DLC1: variants seen among roughly 807,000 people sequenced by gnomAD.
The protein encoded by DLC1 is DLC1 Rho GTPase activating protein, also known as rho GTPase-activating protein 7.
A neutral mutation model predicts 140.3 loss-of-function variants in DLC1; 54 were observed. That is an observed-to-expected ratio of 0.38 (90% CI 0.31 to 0.48). DLC1 has a LOEUF of 0.48. Ranked by LOEUF, DLC1 falls within the 20% of genes least tolerant of loss-of-function variation. The probability of loss-of-function intolerance (pLI) is 0.96; values close to 1 mark genes in which losing one functional copy is unlikely to be tolerated. For missense variants in DLC1, 2,536 were observed against 1,907.0 expected (o/e 1.33, Z -6.14); for synonymous variants, 986 against 728.1 (o/e 1.35, Z -5.70).
chr8:13,471,768 A>G (rs1800220659), intron 2 of DLC1, among the ~76,000 whole-genome samples: 2 of 152,136 alleles, frequency 1.3e-5, no homozygotes, highest in African/African-American at 4.8e-5. Context: ...GAAAAAAAGA[A>G]AAGCAGCCTT....
At chr8:13,169,131 G>T (rs1344509178) in intron 5 of DLC1, among the ~76,000 whole-genome samples, 1 of 152,162 alleles carries the variant, frequency 6.6e-6, no homozygotes. Flanking sequence ...AAATTTGGGG[G>T]CTTTACTACT....
intron 5 of DLC1, among the ~76,000 whole-genome samples, chr8:13,242,659 C>G (rs1486816776): frequency 6.6e-6 from 1 of 152,100 alleles, no homozygotes; most frequent in African/African-American, 2.4e-5. Flanking sequence ...TGTGAAAGTG[C>G]TGCGATTACA....
At chr8:13,577,625 C>A (rs1329936569) in intron 1 of DLC1, among the ~76,000 whole-genome samples, 1 of 152,126 alleles carries the variant, frequency 6.6e-6, no homozygotes, top group African/African-American at 2.4e-5. Context: ...TAGGGGAAAA[C>A]AAATACTTTT....
At chr8:13,585,135 G>A (rs1310761773) in intron 1 of DLC1, among the ~76,000 whole-genome samples, 1 of 152,166 alleles carries the variant, frequency 6.6e-6, no homozygotes, top group Non-Finnish European at 1.5e-5. Flanking sequence ...ACAAATATGT[G>A]TAATACAATG....
chr8:13,419,573 A>T (rs994812054), intron 2 of DLC1, among the ~76,000 whole-genome samples: 3 of 152,162 alleles, frequency 2.0e-5, no homozygotes, highest in Non-Finnish European at 4.4e-5. Flanking sequence ...CCATTTGATC[A>T]TGGTGGATAA....
intron 4 of DLC1, among the ~76,000 whole-genome samples, chr8:13,370,443 C>A (rs961275240): frequency 6.6e-6 from 1 of 152,106 alleles, no homozygotes; most frequent in East Asian, 1.9e-4. Context: ...GTGTGCTCAT[C>A]TCATGTCTAA....
chr8:13,167,587 C>A (rs1468751304), intron 5 of DLC1, among the ~76,000 whole-genome samples: 1 of 152,040 alleles, frequency 6.6e-6, no homozygotes, highest in South Asian at 2.1e-4. Context: ...AGTACAGATC[C>A]CGGAAAGAGC....
intron 5 of DLC1, among the ~76,000 whole-genome samples, chr8:13,266,841 G>T (rs17190515): frequency 0.053 from 7,989 of 152,062 alleles, 255 homozygotes; most frequent in South Asian, 0.13. Flanking sequence ...AATTTAGAAG[G>T]CCTGATAATA....
chr8:13,181,335 C>CTTT (rs59772687), intron 5 of DLC1, among the ~76,000 whole-genome samples: 2 of 136,146 alleles, frequency 1.5e-5, no homozygotes, highest in African/African-American at 5.3e-5. Flanking sequence ...TTCTTTCTTT[C>CTTT]TTTTTTTTTT....
chr8:13,311,309 A>G (rs1358151216), intron 4 of DLC1, among the ~76,000 whole-genome samples: 1 of 152,170 alleles, frequency 6.6e-6, no homozygotes, highest in Non-Finnish European at 1.5e-5. Flanking sequence ...ACCATTCTTC[A>G]TAAGACTGAT....
At chr8:13,507,751 GT>G (rs1802164091) in intron 1 of DLC1, among the ~76,000 whole-genome samples, 1 of 152,134 alleles carries the variant, frequency 6.6e-6, no homozygotes, top group South Asian at 2.1e-4. Context: ...TAGCTTCCAT[GT>G]CTTTAGGCTG....
intron 5 of DLC1, among the ~76,000 whole-genome samples, chr8:13,181,348 T>C (rs1826024809): frequency 6.6e-6 from 1 of 150,840 alleles, no homozygotes; most frequent in South Asian, 2.1e-4. Context: ...TTTTTTTTTT[T>C]AGTAATACTT....
At chr8:13,186,127 TG>T (rs1200878542) in intron 5 of DLC1, among the ~76,000 whole-genome samples, 2 of 152,164 alleles carry the variant, frequency 1.3e-5, no homozygotes, top group African/African-American at 4.8e-5. Context: ...TTATGTGTCT[TG>T]GGGTTGGTCT....
At chr8:13,114,542 T>G (rs1270795006) in intron 6 of DLC1, among the ~76,000 whole-genome samples, 2 of 151,990 alleles carry the variant, frequency 1.3e-5, no homozygotes, top group African/African-American at 4.8e-5. Flanking sequence ...TTTGAACCAT[T>G]TTTCTCAATT....
At chr8:13,270,251 C>T (rs867515010) in intron 5 of DLC1, among the ~76,000 whole-genome samples, 3 of 152,126 alleles carry the variant, frequency 2.0e-5, no homozygotes, top group Admixed American at 6.5e-5. Context: ...CGATTTTGGA[C>T]ATATCTAGGT....
At chr8:13,416,209 C>T (rs1385485188) in intron 2 of DLC1, among the ~76,000 whole-genome samples, 1 of 152,100 alleles carries the variant, frequency 6.6e-6, no homozygotes, top group African/African-American at 2.4e-5. Context: ...TCCTAAGTTT[C>T]ATGTGTATAA....
At position 13,095,035 on chromosome 8, in the gene DLC1, C is replaced by G. The variant is rs150340424; in HGVS notation, c.3327+51G>C. The G allele has an allele frequency of 6.6e-4, 1,070 of 1,613,422 alleles. 10 individuals are homozygous for G. In the East Asian group the frequency reaches 0.022, roughly 34 times the overall value. ...TACACCACACAACTAGAAGAAGCTG[C>G]ATGTAATCCGAGCTCCCCTGAGTAC... is the stretch of plus-strand genomic sequence containing the variant. On this transcript the variant is annotated intron_variant, in intron 11 of 17. Transcript: ENST00000276297.
chr8:13,516,329 A>T (rs1802584972), upstream of DLC1, among the ~76,000 whole-genome samples: 1 of 152,154 alleles, frequency 6.6e-6, no homozygotes, highest in East Asian at 1.9e-4. Flanking sequence ...TGGCCCTAAG[A>T]TCTATCCTGT....
chr8:13,438,011 A>T (rs62492204), intron 2 of DLC1, among the ~76,000 whole-genome samples: 1,745 of 150,582 alleles, frequency 0.012, 12 homozygotes, highest in Middle Eastern at 0.045. Flanking sequence ...CATGTTGTTT[A>T]TGATCTACCT....
Sources: gnomAD v4.1 joint callset for allele counts (sites outside exome capture counted in the v4.1 genomes callset) on GRCh38, gnomAD v4.1.1 for gene constraint, MANE v1.5 for transcripts, NCBI Gene and HGNC (gene_info 2026-07-23, HGNC 2026-07-21) for gene names.